Variants in TAOK1 observed in about 807,000 individuals in gnomAD.
TAOK1 encodes the protein serine/threonine-protein kinase TAO1.
TAOK1 carries 21 observed loss-of-function variants against 138.3 expected under a neutral mutation model. The ratio of observed to expected loss-of-function variants is 0.15; its 90% CI spans 0.11 to 0.22. The LOEUF is 0.22. TAOK1 is among the 10% of genes least tolerant of loss of function. TAOK1 has a pLI of 1.00. For missense variants in TAOK1, 651 were observed against 1,227.7 expected (o/e 0.53, Z 7.02); for synonymous variants, 361 against 398.4 (o/e 0.91, Z 1.12).
chr17:29,420,326 G>C (rs1177854076), intron 1 of TAOK1, among the ~76,000 whole-genome samples: 1 of 152,070 alleles, frequency 6.6e-6, no homozygotes, highest in Non-Finnish European at 1.5e-5. Flanking sequence ...GAGCCACAGT[G>C]CCGACCATAA....
chr17:29,505,090 A>G (rs541828783), intron 13 of TAOK1, among the ~76,000 whole-genome samples: 2 of 152,358 alleles, frequency 1.3e-5, no homozygotes, highest in South Asian at 4.1e-4. Flanking sequence ...AAAAAGATTT[A>G]TATTTTTAAA....
At chr17:29,498,213 C>CCCT in intron 11 of TAOK1, 105 bp from the exon 12 acceptor site, 1 of 1,161,124 alleles carries the variant, frequency 8.6e-7, no homozygotes, top group East Asian at 2.5e-5. Context: ...GACCAACTTT[C>CCCT]TGAGACTGTC....
intron 8 of TAOK1, 42 bp from the exon 9 acceptor site, chr17:29,489,622 C>T (rs1217189929): frequency 7.1e-7 from 1 of 1,405,182 alleles, no homozygotes; most frequent in East Asian, 2.4e-5. Context: ...CTTGAGTACC[C>T]CTGGAACCTA....
At chr17:29,535,201 C>T (rs1320978311) in intron 19 of TAOK1, among the ~76,000 whole-genome samples, 2 of 152,006 alleles carry the variant, frequency 1.3e-5, no homozygotes, top group Non-Finnish European at 1.5e-5. Context: ...GTCCCAGCTA[C>T]TTGGGAGGCT....
intron 1 of TAOK1, among the ~76,000 whole-genome samples, chr17:29,393,390 ACT>A (rs1270376449): frequency 1.3e-5 from 2 of 152,104 alleles, no homozygotes; most frequent in African/African-American, 2.4e-5. Flanking sequence ...AAAAAAAACA[ACT>A]CTCTTTTTTC....
chr17:29,550,426 A>C lies in TAOK1; in HGVS notation c.*7404A>C, dbSNP rs893193761. 2 of 152,190 alleles carry C rather than the reference A, an allele frequency of 1.3e-5. No homozygotes were observed. The highest frequency in any genetic ancestry group is 4.8e-5 in the African/African-American group (2 of 41,452). 9.4% of individuals were successfully genotyped at this position (152,190 alleles called of 1,614,324 possible). A position where few individuals can be genotyped will look rare whatever the true frequency, so the allele number is the denominator to read the frequency against. ...AGTTTTTTAGCCCACTTAAAACTTA[A>C]GACAACCATTTAAAATAATGGATGG... On this transcript the variant is annotated 3_prime_UTR_variant, in exon 20 of 20. Transcript: ENST00000261716.
intron 14 of TAOK1, among the ~76,000 whole-genome samples, chr17:29,509,841 C>T (rs1195949898): frequency 6.6e-6 from 1 of 151,292 alleles, no homozygotes; most frequent in Non-Finnish European, 1.5e-5. Context: ...TGCAATGAGC[C>T]ATGATTGTAC....
chr17:29,537,590 C>T (rs2032244466), intron 19 of TAOK1, among the ~76,000 whole-genome samples: 1 of 150,502 alleles, frequency 6.6e-6, no homozygotes, highest in African/African-American at 2.5e-5. Flanking sequence ...CTCCTAGGCT[C>T]AAGCAATCTG....
At chr17:29,404,801 A>G (rs1010171050) in intron 1 of TAOK1, among the ~76,000 whole-genome samples, 2 of 152,302 alleles carry the variant, frequency 1.3e-5, no homozygotes, top group Middle Eastern at 3.4e-3. Context: ...ATAAATAAAT[A>G]GGTAAGTAAA....
In TAOK1 at chr17:29,517,399, C is replaced by T. The variant is rs965464945; in HGVS notation, c.1705-54C>T. Reference sequence around the variant, plus strand: ...CCTCCCAGAGTGCTGGGATTACAGGCGTGAGCCACCGTGCCAGGCCTATTT... The same window carrying T: ...CCTCCCAGAGTGCTGGGATTACAGGTGTGAGCCACCGTGCCAGGCCTATTT... On this transcript the variant is annotated intron_variant, in intron 15 of 19. Transcript: ENST00000261716. The T allele has an allele frequency of 5.5e-5, 87 of 1,569,162 alleles. No homozygotes were observed. The African/African-American group carries it at 1.1e-3, about 19-fold the overall frequency.
Position 29,551,127 on chromosome 17 carries a change from A to G in TAOK1, c.*8105A>G, listed in dbSNP as rs557342637. 1.8e-4 allele frequency: 28 copies of G among 152,322 alleles called. No homozygotes were observed. The highest frequency in any genetic ancestry group is 6.0e-4 in the African/African-American group (25 of 41,568). The allele number at this position is 152,322 out of a possible 1,614,324, so 9.4% of individuals were successfully genotyped here. On this transcript the variant is annotated 3_prime_UTR_variant, in exon 20 of 20. Coordinates refer to ENST00000261716, the MANE Select transcript of TAOK1 (RefSeq NM_020791.4). ...CTAAAGGGAATATGTTAATTAAGCA[A>G]GAGGTTCTTTTCTAAAAGTGGTATC...
intron 17 of TAOK1, among the ~76,000 whole-genome samples, chr17:29,527,132 A>G (rs2032025481): frequency 6.6e-6 from 1 of 151,874 alleles, no homozygotes; most frequent in Admixed American, 6.6e-5. Flanking sequence ...CTCAGGGAAA[A>G]AAAAAGAGGC....
intron 1 of TAOK1, among the ~76,000 whole-genome samples, chr17:29,447,634 C>T (rs1019112736): frequency 7.2e-5 from 11 of 151,726 alleles, no homozygotes; most frequent in South Asian, 6.3e-4. Context: ...CTACCTCACC[C>T]GGCCTTTTTA....
rs2032492987 is a variant in TAOK1, at chr17:29,551,441, T to C, written c.*8419T>C. 6.6e-6 allele frequency: 1 copy of C among 152,182 alleles called. No individual in the cohort carries two copies. Among genetic ancestry groups the C allele is most frequent in the African/African-American group, 2.4e-5 (1 of 41,444 alleles). The allele number at this position is 152,182 out of a possible 1,614,324, so 9.4% of individuals were successfully genotyped here. ...TCTTTTAAAACTGGGACTGATACTT[T>C]TTTGAGAGAGTATCGTGTCGAAAGT... On this transcript the variant is annotated 3_prime_UTR_variant, in exon 20 of 20. Transcript: ENST00000261716.
In TAOK1 at chr17:29,544,001, A is replaced by C. The variant is rs998454126; in HGVS notation, c.*979A>C. 5.9e-5 allele frequency: 9 copies of C among 152,478 alleles called. No individual in the cohort carries two copies. Among genetic ancestry groups the C allele is most frequent in the African/African-American group, 2.2e-4 (9 of 41,430 alleles). The allele number at this position is 152,478 out of a possible 1,614,324, so 9.4% of individuals were successfully genotyped here. On this transcript the variant is annotated 3_prime_UTR_variant, in exon 20 of 20. Coordinates refer to ENST00000261716, the MANE Select transcript of TAOK1 (RefSeq NM_020791.4). The stretch of plus-strand genomic sequence containing the variant: ...TATCTCATCCTAGCTAAGCTCTATA[A>C]TGCCCAAGACCCCAAACAGTACTTT...
chr17:29,456,772 C>T (rs997307755), intron 2 of TAOK1, among the ~76,000 whole-genome samples: 3 of 150,436 alleles, frequency 2.0e-5, no homozygotes, highest in Non-Finnish European at 4.4e-5. Flanking sequence ...CTCGCTCTGT[C>T]GCCTAGGCTG....
intron 1 of TAOK1, among the ~76,000 whole-genome samples, chr17:29,391,576 T>C (rs1015638583): frequency 2.0e-5 from 3 of 152,158 alleles, no homozygotes; most frequent in African/African-American, 7.2e-5. Context: ...CACAGACCCA[T>C]GTATACACAG....
chr17:29,426,201 A>G (rs1366059883), intron 1 of TAOK1, among the ~76,000 whole-genome samples: 2 of 152,208 alleles, frequency 1.3e-5, no homozygotes, highest in Non-Finnish European at 2.9e-5. Flanking sequence ...AGTTTGATTC[A>G]TGGTTACATT....
intron 8 of TAOK1, among the ~76,000 whole-genome samples, chr17:29,484,641 G>T (rs772617744): frequency 6.6e-6 from 1 of 152,024 alleles, no homozygotes; most frequent in Non-Finnish European, 1.5e-5. Flanking sequence ...GTCTCGCTCT[G>T]TTGTCCAGGC....
Sources: gnomAD v4.1 joint callset for allele counts (sites outside exome capture counted in the v4.1 genomes callset) on GRCh38, gnomAD v4.1.1 for gene constraint, MANE v1.5 for transcripts, NCBI Gene and HGNC (gene_info 2026-07-23, HGNC 2026-07-21) for gene names.